SUGP2: variants seen among roughly 807,000 people sequenced by gnomAD.
The protein encoded by SUGP2 is SURP and G-patch domain containing 2.
A neutral mutation model predicts 90.5 loss-of-function variants in SUGP2; 24 were observed. The ratio of observed to expected loss-of-function variants is 0.27; its 90% CI spans 0.19 to 0.37. The LOEUF is 0.37. SUGP2 is among the 10% of genes least tolerant of loss of function. The pLI is 1.00. For missense variants in SUGP2, 1,233 were observed against 1,363.3 expected, an observed-to-expected ratio of 0.90 and a Z score of 1.51; for synonymous variants, 473 against 513.4, an observed-to-expected ratio of 0.92 and a Z score of 1.06.
rs202032611 is a variant in SUGP2, at chr19:19,019,161, C to A, written c.1798G>T (p.Gly600Cys). The A allele has an allele frequency of 1.2e-6, 2 of 1,614,030 alleles. No homozygotes were observed. Among genetic ancestry groups the A allele is most frequent in the Non-Finnish European group, 1.7e-6 (2 of 1,180,006 alleles). Residue 600 changes from glycine (G) to cysteine (C), a missense_variant, in exon 4 of 11, where the codon GGC becomes TGC. This residue lies in a region of SUGP2 where 540 missense variants were observed against 542.6 expected (regional missense o/e 1.00). Transcript: ENST00000452918. ...IDQLVKRVIE[G>C]SLSPKERTLL... Reference sequence around the variant, plus strand: ...GTTCTCTCTTTGGGAGACAGGCTGCCTTCGATGACACGTTTCACAAGCTGG... The same window carrying A: ...GTTCTCTCTTTGGGAGACAGGCTGCATTCGATGACACGTTTCACAAGCTGG...
intron 6 of SUGP2, among the ~76,000 whole-genome samples, chr19:19,005,214 C>T (rs144375633): frequency 1.3e-5 from 2 of 152,244 alleles, no homozygotes; most frequent in East Asian, 3.9e-4. Flanking sequence ...GTGGCCACCT[C>T]GACTTGTAAC....
At chr19:19,000,480 C>A (rs1293349928) in intron 8 of SUGP2, among the ~76,000 whole-genome samples, 1 of 152,218 alleles carries the variant, frequency 6.6e-6, no homozygotes, top group Non-Finnish European at 1.5e-5. Context: ...GCTGACCGCA[C>A]ACACCACGCT....
Position 19,026,076 on chromosome 19 carries a change from C to T in SUGP2, c.272G>A (p.Arg91Lys), listed in dbSNP as rs1320255431. 1.2e-6 allele frequency: 2 copies of T among 1,614,034 alleles called. No homozygotes were observed. The highest frequency in any genetic ancestry group is 1.3e-5 in the African/African-American group (1 of 74,916). Residue 91 changes from arginine to lysine, a missense_variant, in exon 3 of 11, where the codon AGA becomes AAA. Transcript: ENST00000452918. ...ATCACTGATGGAAGGGTTGCTTGAT[C>T]TGAAGGAAGGCCCTGGAAATACGTC... The part of the protein sequence containing the change: ...RSDVFPGPSF[R>K]SSNPSISDDS...
intron 4 of SUGP2, among the ~76,000 whole-genome samples, chr19:19,012,180 C>A (rs2058335756): frequency 6.6e-6 from 1 of 152,224 alleles, no homozygotes; most frequent in Non-Finnish European, 1.5e-5. Flanking sequence ...ACCGGCTCCA[C>A]TGCTGCCCTG....
Position 19,030,817 on chromosome 19 carries a change from T to C in SUGP2, c.121+134A>G. 5 of 1,079,904 alleles carry C rather than the reference T, an allele frequency of 4.6e-6. No homozygotes were observed. The South Asian group carries it at 8.3e-5, about 18-fold the overall frequency. The allele number at this position is 1,079,904 out of a possible 1,614,324, so 66.9% of individuals were successfully genotyped here. On this transcript the variant is annotated intron_variant, in intron 2 of 10. Transcript: ENST00000452918. ...GAAACCAAACCAAAATAAAAACCTT[T>C]ACCTCCTCCTAAATAAGGAAACTAA...
intron 2 of SUGP2, among the ~76,000 whole-genome samples, chr19:19,027,555 T>C (rs995474777): frequency 2.0e-5 from 3 of 151,684 alleles, no homozygotes; most frequent in African/African-American, 7.3e-5. Context: ...AGAAGACAAA[T>C]CAAGCACGTG....
chr19:19,026,733 G>C (rs1338777604), intron 2 of SUGP2, among the ~76,000 whole-genome samples: 1 of 152,158 alleles, frequency 6.6e-6, no homozygotes, highest in Non-Finnish European at 1.5e-5. Context: ...CTGCCTCTTA[G>C]AAGGAAGTCT....
At chr19:19,003,260 T>C (rs1462387625) in intron 7 of SUGP2, among the ~76,000 whole-genome samples, 1 of 152,246 alleles carries the variant, frequency 6.6e-6, no homozygotes. Context: ...GTCTGAATGA[T>C]GTAGAACACA....
Position 19,026,203 on chromosome 19 carries a change from A to C in SUGP2, c.145T>G (p.Ser49Ala). Residue 49 changes from serine (S) to alanine (A), a missense_variant, in exon 3 of 11, where the codon TCC becomes GCC. Physicochemically the swap from Ser to Ala is moderately conservative, Grantham distance 99. Coordinates refer to ENST00000452918, the MANE Select transcript of SUGP2 (RefSeq NM_001017392.5). ...ACGTCATCATACATCTCTGCTCTGG[A>C]TCTTGGGACTGCCCTTAAGAGATCT... ...AQDLLRAVPR[S>A]RAEMYDDVHS... 1.2e-6 allele frequency: 2 copies of C among 1,602,306 alleles called. No homozygotes were observed. The highest frequency in any genetic ancestry group is 1.7e-6 in the Non-Finnish European group (2 of 1,174,874).
At chr19:19,013,094 T>C (rs764048658) in intron 4 of SUGP2, among the ~76,000 whole-genome samples, 18 of 152,204 alleles carry the variant, frequency 1.2e-4, no homozygotes, top group South Asian at 2.1e-4. Context: ...CTTGAACTCC[T>C]GATCTCAGGT....
intron 4 of SUGP2, among the ~76,000 whole-genome samples, chr19:19,017,777 A>G (rs562374147): frequency 3.9e-5 from 6 of 152,150 alleles, no homozygotes; most frequent in African/African-American, 9.6e-5. Context: ...TTAACAAATA[A>G]TAATAATAAA....
rs755150473 is a variant in SUGP2 at position 19,008,310 on chromosome 19, T to A, written c.2450+7A>T. The stretch of plus-strand genomic sequence containing the variant: ...AAAGGTGTGATGAGACCCGGGGGGG[T>A]ACGTACCACAGGTCAGGGTTATCGG... On this transcript the variant is annotated splice_region_variant and intron_variant, in intron 6 of 10. Coordinates refer to ENST00000452918, the MANE Select transcript of SUGP2 (RefSeq NM_001017392.5). 1 of 1,605,670 alleles carries A rather than the reference T, an allele frequency of 6.2e-7. No individual in the cohort carries two copies. The highest frequency in any genetic ancestry group is 1.3e-5 in the African/African-American group (1 of 74,758).
In SUGP2 at chr19:19,026,161, A is replaced by G; in HGVS notation, c.187T>C (p.Tyr63His). The part of the protein sequence containing the change: ...MYDDVHSDGR[Y>H]SLSGSVAHSR... The stretch of plus-strand genomic sequence containing the variant: ...TGAGCTACAGATCCACTGAGGGAGT[A>G]TCTGCCATCGCTGTGGACGTCATCA... Residue 63 changes from tyrosine to histidine, a missense_variant, in exon 3 of 11, where the codon TAC becomes CAC. Transcript: ENST00000452918. 1 of 1,613,788 alleles carries G rather than the reference A, an allele frequency of 6.2e-7. No homozygotes were observed. Among genetic ancestry groups the G allele is most frequent in the Non-Finnish European group, 8.5e-7 (1 of 1,179,928 alleles).
rs529522845 is a variant in SUGP2 at position 19,021,861 on chromosome 19, C to T, written c.1730-2632G>A. ...TTTGATTTTTAGTAGAGACAGGTTT[C>T]GTCATGTTGGCCAGGCTGGTCTCGA... On this transcript the variant is annotated intron_variant, in intron 3 of 10. Transcript: ENST00000452918. 3.9e-5 allele frequency among the ~76,000 whole-genome samples: 6 copies of T among 152,180 alleles called. No individual in the cohort carries two copies. In the South Asian group the frequency reaches 6.2e-4, roughly 16 times the overall value.
chr19:19,011,080 G>A (rs901447027), intron 4 of SUGP2, among the ~76,000 whole-genome samples: 11 of 151,402 alleles, frequency 7.3e-5, no homozygotes, highest in African/African-American at 2.4e-4. Context: ...GAGAGGCTGT[G>A]GTGAGCTGTG....
chr19:19,002,936 C>A (rs2057904156), intron 7 of SUGP2, among the ~76,000 whole-genome samples: 1 of 152,014 alleles, frequency 6.6e-6, no homozygotes. Context: ...TACCTGCCAT[C>A]CGTGACAAGT....
chr19:19,011,005 T>C (rs930425966), intron 4 of SUGP2, among the ~76,000 whole-genome samples: 1 of 150,858 alleles, frequency 6.6e-6, no homozygotes, highest in African/African-American at 2.4e-5. Context: ...AGGGTGGTGG[T>C]GCATGCCTAT....
At chr19:19,021,381 A>G (rs1043747331) in intron 3 of SUGP2, among the ~76,000 whole-genome samples, 1 of 151,992 alleles carries the variant, frequency 6.6e-6, no homozygotes, top group African/African-American at 2.4e-5. Flanking sequence ...CGTTATTCCA[A>G]GTATGTCCCC....
Position 19,033,439 on chromosome 19 carries a change from C to G in SUGP2, c.-14G>C, listed in dbSNP as rs930854241. On this transcript the variant is annotated splice_region_variant and 5_prime_UTR_variant, in exon 1 of 11. Transcript: ENST00000452918. ...CGACGCCAGGGCCCGGGCCTCACCC[C>G]GAGACCACCGCGCGCGGAGCCACCC... 6 of 1,388,236 alleles carry G rather than the reference C, an allele frequency of 4.3e-6. No individual in the cohort carries two copies. The East Asian group carries it at 1.1e-4, about 25-fold the overall frequency. The allele number at this position is 1,388,236 out of a possible 1,614,324, so 86.0% of individuals were successfully genotyped here. A position where few individuals can be genotyped will look rare whatever the true frequency, so the allele number is the denominator to read the frequency against.
Sources: gnomAD v4.1 joint callset for allele counts (sites outside exome capture counted in the v4.1 genomes callset) on GRCh38, gnomAD v4.1.1 for gene constraint, gnomAD v4.1.1 regional missense constraint, MANE v1.5 for transcripts, NCBI Gene and HGNC (gene_info 2026-07-23, HGNC 2026-07-21) for gene names.